The following REXO1 variants were observed in gnomAD, a reference collection of about 807,000 sequenced individuals.
REXO1 encodes REX1, RNA exonuclease 1 homolog.
REXO1 carries 42 observed loss-of-function variants against 102.6 expected under a neutral mutation model. That is an observed-to-expected ratio of 0.41 (90% CI 0.32 to 0.53). The LOEUF is 0.53. Among genes scored for constraint, REXO1 ranks in the 20% least tolerant of loss-of-function variants. The pLI, the probability that REXO1 is intolerant of heterozygous loss-of-function variation, is 0.27. For missense variants in REXO1, 1,819 were observed against 1,732.5 expected (o/e 1.05, Z -0.89); for synonymous variants, 908 against 779.1 (o/e 1.17, Z -2.76).
intron 10 of REXO1, 67 bp from the exon 11 acceptor site, chr19:1,817,847 C>T: frequency 3.1e-6 from 4 of 1,291,980 alleles, no homozygotes; most frequent in Non-Finnish European, 4.4e-6. Context: ...GGGGCACTGA[C>T]CACCTGCATC....
chr19:1,831,378 A>AC (rs2069896640), intron 1 of REXO1, among the ~76,000 whole-genome samples: 2 of 151,984 alleles, frequency 1.3e-5, no homozygotes. Context: ...CTGGAGATCG[A>AC]CCCCCACAGC....
At chr19:1,831,390 T>A (rs1255578916) in intron 1 of REXO1, among the ~76,000 whole-genome samples, 1 of 152,040 alleles carries the variant, frequency 6.6e-6, no homozygotes, top group East Asian at 1.9e-4. Flanking sequence ...CCCCACAGCG[T>A]GCTAAGACTT....
chr19:1,838,271 G>A (rs1183357843), intron 1 of REXO1, among the ~76,000 whole-genome samples: 1 of 149,952 alleles, frequency 6.7e-6, no homozygotes, highest in African/African-American at 2.5e-5. Flanking sequence ...GAGCTGAGAT[G>A]GCGCCACCGC....
chr19:1,840,680 A>C (rs983247827), intron 1 of REXO1, among the ~76,000 whole-genome samples: 2 of 129,532 alleles, frequency 1.5e-5, no homozygotes, highest in African/African-American at 6.0e-5. Context: ...GCCCCACGTC[A>C]CCCCTCCACT....
At position 1,848,386 on chromosome 19, in the gene REXO1, C is replaced by CT; in HGVS notation, c.-29_-28insA. The CT allele has an allele frequency of 8.4e-7, 1 of 1,188,284 alleles. No individual in the cohort carries two copies. The highest frequency in any genetic ancestry group is 1.0e-6 in the Non-Finnish European group (1 of 955,112). 73.6% of individuals were successfully genotyped at this position (1,188,284 alleles called of 1,614,324 possible). A position where few individuals can be genotyped will look rare whatever the true frequency, so the allele number is the denominator to read the frequency against. The stretch of plus-strand genomic sequence containing the variant: ...TCCGTCCCGCGGCGGGGCCCCGGCC[C>CT]GGAGCCGCCCGGGCCCCAGGGCCCC... On this transcript the variant is annotated 5_prime_UTR_variant, in exon 1 of 16. Coordinates refer to ENST00000170168, the MANE Select transcript of REXO1 (RefSeq NM_020695.4).
chr19:1,837,131 A>C (rs996835226), intron 1 of REXO1, among the ~76,000 whole-genome samples: 3 of 152,228 alleles, frequency 2.0e-5, no homozygotes, highest in Admixed American at 2.0e-4. Context: ...AGCGCAAGGC[A>C]GGGGCTGGTT....
At position 1,826,240 on chromosome 19, in the gene REXO1, C is replaced by T. The variant is rs528741947; in HGVS notation, c.1912-297G>A. On this transcript the variant is annotated intron_variant, in intron 2 of 15. Transcript: ENST00000170168. This position sits in a 1 kb window ranked among gnomAD's most constrained non-coding sequence, Gnocchi z 4.3. Reference sequence around the variant, plus strand: ...ACTGGGAAAGCGAGGCCACCTTGGGCCGAACCAGCTGCTGCGGGCTGAGCA... The same window carrying T: ...ACTGGGAAAGCGAGGCCACCTTGGGTCGAACCAGCTGCTGCGGGCTGAGCA... Among the ~76,000 whole-genome samples, 3 of 152,228 alleles carry T rather than the reference C, an allele frequency of 2.0e-5. No homozygotes were observed. Among genetic ancestry groups the T allele is most frequent in the South Asian group, 4.1e-4 (2 of 4,828 alleles).
intron 1 of REXO1, among the ~76,000 whole-genome samples, chr19:1,840,778 T>A (rs575838498): frequency 9.6e-4 from 145 of 151,202 alleles, no homozygotes; most frequent in African/African-American, 3.4e-3. Context: ...CCGAGTCCCC[T>A]CAGCCTGGCG....
intron 1 of REXO1, among the ~76,000 whole-genome samples, chr19:1,834,551 C>T (rs1439557945): frequency 6.6e-6 from 1 of 152,180 alleles, no homozygotes; most frequent in Non-Finnish European, 1.5e-5. Context: ...GTAGCTGGGA[C>T]CACCTGCGTG....
intron 8 of REXO1, 52 bp downstream of exon 8, chr19:1,818,966 G>A: frequency 6.4e-7 from 1 of 1,571,728 alleles, no homozygotes; most frequent in Non-Finnish European, 8.7e-7. Context: ...CAGGGGCTGG[G>A]CCGGCAGAGG....
intron 13 of REXO1, 60 bp downstream of exon 13, chr19:1,816,638 T>TGGGG: frequency 7.3e-5 from 20 of 275,536 alleles, no homozygotes; most frequent in Non-Finnish European, 1.2e-4. Flanking sequence ...CGGGGGAGGG[T>TGGGG]GGGTCCCTGG....
intron 7 of REXO1, among the ~76,000 whole-genome samples, chr19:1,819,664 C>T (rs369488745): frequency 9.9e-5 from 15 of 152,216 alleles, no homozygotes; most frequent in African/African-American, 2.7e-4. Context: ...AAGAAGCTGC[C>T]GCAGCTCCAT....
At position 1,827,100 on chromosome 19, in the gene REXO1, C is replaced by A; in HGVS notation, c.1689G>T (p.Ala563=). ...CCTTGAGCCGCTTGGGCGGCCCCTGCGCCTCCGGGAAGCCCAGGCTGGAGT... is the reference window on the plus strand; with the variant it reads ...CCTTGAGCCGCTTGGGCGGCCCCTGAGCCTCCGGGAAGCCCAGGCTGGAGT... ...DSDSSLGFPE[A]QGPPKRLKAS... The change falls in exon 2 of 16, where the codon GCG becomes GCT. Residue 563 remains alanine (A), a synonymous_variant. Transcript: ENST00000170168. 6.5e-7 allele frequency: 1 copy of A among 1,541,154 alleles called. No individual in the cohort carries two copies. Among genetic ancestry groups the A allele is most frequent in the Non-Finnish European group, 8.7e-7 (1 of 1,145,408 alleles).
chr19:1,832,068 T>C (rs1448754487), intron 1 of REXO1, among the ~76,000 whole-genome samples: 1 of 152,058 alleles, frequency 6.6e-6, no homozygotes. Context: ...ACATCTTGCA[T>C]TATCCGGGAA....
chr19:1,841,559 G>A (rs1293254891), intron 1 of REXO1, among the ~76,000 whole-genome samples: 2 of 152,228 alleles, frequency 1.3e-5, no homozygotes, highest in Non-Finnish European at 2.9e-5. Flanking sequence ...CCAGCAGGAG[G>A]AGGCCGGGGC....
At chr19:1,841,486 G>A (rs2011276529) in intron 1 of REXO1, among the ~76,000 whole-genome samples, 2 of 152,228 alleles carry the variant, frequency 1.3e-5, no homozygotes, top group Admixed American at 6.5e-5. Flanking sequence ...CGACCCCATC[G>A]TGCAGAAGAG....
At position 1,827,359 on chromosome 19, in the gene REXO1, A is replaced by AG; in HGVS notation, c.1429dup (p.Leu477ProfsTer51). On this transcript the variant is annotated frameshift_variant, in exon 2 of 16. Coordinates refer to ENST00000170168, the MANE Select transcript of REXO1 (RefSeq NM_020695.4). LOFTEE classifies it high-confidence loss of function. Reference sequence around the variant, plus strand: ...GGTGCTCTTCCTGTCGGGCAGCTGGAGGGGGCGGGGTGGGCCTCTGCCGGC... The same window carrying AG: ...GGTGCTCTTCCTGTCGGGCAGCTGGAGGGGGGCGGGGTGGGCCTCTGCCGGC... 1.3e-6 allele frequency: 2 copies of AG among 1,545,666 alleles called. No homozygotes were observed. Among genetic ancestry groups the AG allele is most frequent in the Non-Finnish European group, 1.7e-6 (2 of 1,150,340 alleles).
chr19:1,818,613 G>C lies in REXO1; in HGVS notation c.2903-18C>G. On this transcript the variant is annotated intron_variant, in intron 9 of 15. Coordinates refer to ENST00000170168, the MANE Select transcript of REXO1 (RefSeq NM_020695.4). ...GCAGGAAGCTGTGGGTGGGGACCCA[G>C]GTGGAAGCTGAGGCTCACGCTGGGG... 6.2e-7 allele frequency: 1 copy of C among 1,608,026 alleles called. No individual in the cohort carries two copies. The highest frequency in any genetic ancestry group is 1.7e-5 in the Admixed American group (1 of 59,534).
intron 5 of REXO1, among the ~76,000 whole-genome samples, chr19:1,820,841 C>T (rs1010011840): frequency 6.6e-6 from 1 of 151,656 alleles, no homozygotes; most frequent in Non-Finnish European, 1.5e-5. Context: ...AAATAAAAAA[C>T]AAAATTATTA....
Sources: allele counts gnomAD v4.1 joint callset (sites outside exome capture counted in the v4.1 genomes callset), GRCh38; gene constraint gnomAD v4.1.1; non-coding constraint Gnocchi (gnomAD v3.1); transcripts MANE v1.5; gene names NCBI Gene and HGNC (gene_info 2026-07-23, HGNC 2026-07-21).